GABRR1: variants seen among roughly 807,000 people sequenced by gnomAD.
GABRR1 encodes gamma-aminobutyric acid receptor subunit rho-1.
In GABRR1, 59 loss-of-function variants were observed where a neutral mutation model predicts 55.5. That is an observed-to-expected ratio of 1.06 (90% CI 0.86 to 1.32). The LOEUF is 1.32. Ranked by LOEUF, GABRR1 falls within the 40% of genes most tolerant of loss-of-function variation. The pLI, the probability that GABRR1 is intolerant of heterozygous loss-of-function variation, is 0.00. For synonymous variants in GABRR1, 213 were observed against 226.0 expected (o/e 0.94, Z 0.51); for missense variants, 602 against 619.1 (o/e 0.97, Z 0.29).
intron 1 of GABRR1, among the ~76,000 whole-genome samples, chr6:89,224,864 C>A (rs368249478): frequency 1.3e-5 from 2 of 152,106 alleles, no homozygotes; most frequent in Non-Finnish European, 2.9e-5. Context: ...CTTACTGCAA[C>A]CTCCGCCTCC....
intron 5 of GABRR1, among the ~76,000 whole-genome samples, chr6:89,190,727 T>C (rs1772060700): frequency 6.6e-6 from 1 of 152,234 alleles, no homozygotes; most frequent in African/African-American, 2.4e-5. Flanking sequence ...ACGATGTTGA[T>C]ATTTTTATAT....
intron 1 of GABRR1, among the ~76,000 whole-genome samples, chr6:89,211,755 T>C (rs1213779615): frequency 6.6e-6 from 1 of 152,168 alleles, no homozygotes; most frequent in African/African-American, 2.4e-5. Flanking sequence ...TTGATAACTG[T>C]TGAAAAAATG....
At chr6:89,179,789 C>A (rs1015773216) in intron 9 of GABRR1, among the ~76,000 whole-genome samples, 6 of 152,060 alleles carry the variant, frequency 3.9e-5, no homozygotes, top group Non-Finnish European at 8.8e-5. Flanking sequence ...GGGAGATAAC[C>A]ATTGAGCTGC....
chr6:89,184,659 C>T (rs1771837981), intron 7 of GABRR1, among the ~76,000 whole-genome samples: 1 of 152,134 alleles, frequency 6.6e-6, no homozygotes. Context: ...TTCCTGCTGT[C>T]AAGGAGGGGA....
chr6:89,225,182 TCTTGCGTGTGG>T (rs1773179249), intron 1 of GABRR1, among the ~76,000 whole-genome samples: 1 of 152,176 alleles, frequency 6.6e-6, no homozygotes. Context: ...AGTTTCATTC[TCTTGCGTGTGG>T]CTTGCCAATT....
chr6:89,216,217 C>T (rs1288054491), intron 1 of GABRR1, among the ~76,000 whole-genome samples: 1 of 152,194 alleles, frequency 6.6e-6, no homozygotes, highest in Non-Finnish European at 1.5e-5. Flanking sequence ...GATGAGGGCT[C>T]CCTCCAGCCC....
intron 1 of GABRR1, 40 bp downstream of exon 1, chr6:89,217,161 C>T: frequency 6.2e-7 from 1 of 1,605,226 alleles, no homozygotes; most frequent in Non-Finnish European, 8.5e-7. Context: ...CTTTGTGCAT[C>T]CTCTTTTCCT....
Position 89,200,087 on chromosome 6 carries a change from G to A in GABRR1, c.281-658C>T, listed in dbSNP as rs192110591. 3.9e-5 allele frequency among the ~76,000 whole-genome samples: 6 copies of A among 152,226 alleles called. No homozygotes were observed. In the East Asian group the frequency reaches 1.2e-3, roughly 29 times the overall value. On this transcript the variant is annotated intron_variant, in intron 3 of 9. Transcript: ENST00000454853. ...TGCTCTGAGGATGAAGGGCAGGCATGGAGCACACTGAATCATTTGGAGTAA... is the reference window on the plus strand; with the variant it reads ...TGCTCTGAGGATGAAGGGCAGGCATAGAGCACACTGAATCATTTGGAGTAA...
chr6:89,190,007 C>T (rs1042250271), intron 6 of GABRR1, among the ~76,000 whole-genome samples, 158 bp downstream of exon 6: 1 of 151,506 alleles, frequency 6.6e-6, no homozygotes, highest in Non-Finnish European at 1.5e-5. Context: ...GACTGCGCCA[C>T]GGCATTCCAG....
At chr6:89,185,814 TG>T (rs942881351) in intron 6 of GABRR1, among the ~76,000 whole-genome samples, 3 of 152,222 alleles carry the variant, frequency 2.0e-5, no homozygotes, top group Admixed American at 6.5e-5. Context: ...GCCTTATAAA[TG>T]GAGAGTAATT....
At chr6:89,221,353 C>G (rs779598960), upstream of GABRR1, 15 of 152,202 alleles carry the variant, frequency 9.9e-5, no homozygotes, top group Admixed American at 9.2e-4. Context: ...GCTGTTTCCA[C>G]GTGCTCCCTG....
At chr6:89,214,298 T>TA (rs1772921861) in intron 1 of GABRR1, among the ~76,000 whole-genome samples, 1 of 29,826 alleles carries the variant, frequency 3.4e-5, no homozygotes, top group Non-Finnish European at 7.5e-5. Context: ...GTAAAACTGA[T>TA]AGAGGAAAAT....
At chr6:89,186,052 C>T (rs192548730) in intron 6 of GABRR1, among the ~76,000 whole-genome samples, 14 of 152,340 alleles carry the variant, frequency 9.2e-5, no homozygotes, top group Admixed American at 3.9e-4. Context: ...CCCCTTCCCT[C>T]ACCTGCTTCT....
At chr6:89,224,240 C>T (rs1465266280) in intron 1 of GABRR1, among the ~76,000 whole-genome samples, 1 of 151,732 alleles carries the variant, frequency 6.6e-6, no homozygotes, top group Non-Finnish European at 1.5e-5. Flanking sequence ...TACAGGTATG[C>T]ATTACCACGC....
intron 1 of GABRR1, among the ~76,000 whole-genome samples, chr6:89,228,723 G>GA (rs1234090502): frequency 1.4e-5 from 2 of 145,098 alleles, no homozygotes; most frequent in Non-Finnish European, 1.5e-5. Context: ...GTGTGGTGCT[G>GA]AAAAAAATGT....
At chr6:89,217,680 A>G (rs1562317451), upstream of GABRR1, 1 of 202,938 alleles carries the variant, frequency 4.9e-6, no homozygotes, top group African/African-American at 2.4e-5. Context: ...GACCAAAGCA[A>G]TTTCCAAGAG....
rs1772391754 is a variant in GABRR1, at chr6:89,199,293, G to A, written c.348+69C>T. On this transcript the variant is annotated intron_variant, in intron 4 of 9. Transcript: ENST00000454853. ...TGTGAGACTAAGTGAATTCAGGTGC[G>A]TGGAGCTCCTGGCCCTGGACCGGCT... is the stretch of plus-strand genomic sequence containing the variant. 18 of 1,363,502 alleles carry A rather than the reference G, an allele frequency of 1.3e-5. 1 individual carries two copies. Among genetic ancestry groups the A allele is most frequent in the South Asian group, 1.2e-4 (10 of 84,282 alleles). 84.5% of individuals were successfully genotyped at this position (1,363,502 alleles called of 1,614,324 possible). A position where few individuals can be genotyped will look rare whatever the true frequency, so the allele number is the denominator to read the frequency against.
At position 89,179,018 on chromosome 6, in the gene GABRR1, C is replaced by A; in HGVS notation, c.1192G>T (p.Asp398Tyr). ...ACCTCCCCATCACTGTAGTTGCCGT[C>A]CAGCATCGCAGTGCGGGGCGGAGGT... ...GLPPPRTAML[D>Y]GNYSDGEVND... The change falls in exon 10 of 10, where the codon GAC becomes TAC. Residue 398 changes from aspartate (D) to tyrosine (Y), a missense_variant. Coordinates refer to ENST00000454853, the MANE Select transcript of GABRR1 (RefSeq NM_002042.5). 6.2e-7 allele frequency: 1 copy of A among 1,614,152 alleles called. No individual in the cohort carries two copies. The highest frequency in any genetic ancestry group is 8.5e-7 in the Non-Finnish European group (1 of 1,180,026).
intron 1 of GABRR1, 29 bp from the exon 2 acceptor site, chr6:89,203,514 T>A: frequency 1.9e-6 from 3 of 1,554,218 alleles, no homozygotes; most frequent in Non-Finnish European, 2.7e-6. Context: ...ATAAAGACAT[T>A]GTAGAGAAAG....
Sources: allele counts gnomAD v4.1 joint callset (sites outside exome capture counted in the v4.1 genomes callset), GRCh38; gene constraint gnomAD v4.1.1; transcripts MANE v1.5; gene names NCBI Gene and HGNC (gene_info 2026-07-23, HGNC 2026-07-21).